The following GPT variants were observed in gnomAD, a reference collection of about 807,000 sequenced individuals.
GPT encodes alanine aminotransferase 1.
A neutral mutation model predicts 51.4 loss-of-function variants in GPT; 60 were observed. The ratio of observed to expected loss-of-function variants is 1.17; its 90% CI spans 0.95 to 1.45. GPT has a LOEUF of 1.45. Ranked by LOEUF, GPT falls within the 40% of genes most tolerant of loss-of-function variation. The pLI is 0.00. For missense variants in GPT, 853 were observed against 704.0 expected, an observed-to-expected ratio of 1.21 and a Z score of -2.40; for synonymous variants, 397 against 303.1, an observed-to-expected ratio of 1.31 and a Z score of -3.22.
At position 144,504,309 on chromosome 8, in the gene GPT, C is replaced by T; in HGVS notation, c.5C>T (p.Ala2Val). The T allele has an allele frequency of 6.2e-7, 1 of 1,608,558 alleles. No individual in the cohort carries two copies. Among genetic ancestry groups the T allele is most frequent in the Non-Finnish European group, 8.5e-7 (1 of 1,179,826 alleles). ...CCGCCTGGTCTGGGTAGAGTCATGGCCTCGAGCACAGGTGACCGGAGCCAG... is the reference window on the plus strand; with the variant it reads ...CCGCCTGGTCTGGGTAGAGTCATGGTCTCGAGCACAGGTGACCGGAGCCAG... Reference protein sequence around the residue: MASSTGDRSQAV... With the variant: MVSSTGDRSQAV... Residue 2 changes from alanine (A) to valine (V), a missense_variant, in exon 1 of 11, where the codon GCC (alanine) becomes GTC (valine). Physicochemically the swap from Ala to Val is moderately conservative, Grantham distance 64. Transcript: ENST00000394955.
In GPT at chr8:144,506,566, G is replaced by A; in HGVS notation, c.1197G>A (p.Glu399=). The A allele has an allele frequency of 1.3e-6, 2 of 1,584,290 alleles. No homozygotes were observed. Among genetic ancestry groups the A allele is most frequent in the Non-Finnish European group, 1.7e-6 (2 of 1,166,212 alleles). The part of the protein sequence containing the change: ...KAKLTEQVFN[E]APGISCNPVQ... ...AGCTCACCGAGCAGGTCTTCAATGA[G>A]GCTCCTGGCATCAGCTGCAACCCAG... Residue 399 remains glutamate (E), a synonymous_variant, in exon 9 of 11, where the codon GAG becomes GAA. Transcript: ENST00000394955. This position sits in a 1 kb window ranked among gnomAD's most constrained non-coding sequence, Gnocchi z 7.0.
intron 5 of GPT, 67 bp from the exon 6 acceptor site, chr8:144,505,781 G>A (rs1328250476): frequency 7.7e-5 from 96 of 1,244,292 alleles, no homozygotes; most frequent in Non-Finnish European, 9.8e-5. Flanking sequence ...GCTGGACCCC[G>A]GCTGCCCAGC....
Position 144,505,350 on chromosome 8 carries a change from C to T in GPT, c.600C>T (p.Gly200=), listed in dbSNP as rs138709427. 1.9e-3 allele frequency: 2,919 copies of T among 1,575,942 alleles called. 3 individuals carry two copies. The highest frequency in any genetic ancestry group is 3.1e-3 in the Admixed American group (165 of 54,078). The stretch of plus-strand genomic sequence containing the variant: ...ACTCGGCCACGCTGGCAGAGCTGGG[C>T]GCAGTGCAGGTGGATTACTACCTGG... ...PLYSATLAEL[G]AVQVDYYLDE... The change falls in exon 5 of 11, where the codon GGC becomes GGT. Residue 200 remains glycine, a synonymous_variant. Coordinates refer to ENST00000394955, the MANE Select transcript of GPT (RefSeq NM_005309.3).
chr8:144,505,561 C>G, intron 5 of GPT, 72 bp downstream of exon 5: 1 of 1,025,736 alleles, frequency 9.7e-7, no homozygotes, highest in East Asian at 2.9e-5. Context: ...GCCCCACTCC[C>G]CCCGCGCCCA....
Position 144,505,294 on chromosome 8 carries a change from GT to G in GPT, c.545del (p.Val182GlyfsTer77), listed in dbSNP as rs1564777523. 1.3e-6 allele frequency: 2 copies of G among 1,576,634 alleles called. No individual in the cohort carries two copies. The highest frequency in any genetic ancestry group is 2.7e-5 in the African/African-American group (2 of 74,110). On this transcript the variant is annotated frameshift_variant, in exon 5 of 11. Transcript: ENST00000394955. LOFTEE classifies it high-confidence loss of function. ...VAGEGHTRTG[V>X]LIPIPQYPLY... is the part of the protein sequence containing the mutation. ...CGGCGAGGGCCACACACGCACGGGT[GT>G]GCTCATCCCCATCCCCCAGTACCCA...
chr8:144,505,221 C>T (rs770070762), intron 4 of GPT, 25 bp from the exon 5 acceptor site: 6 of 1,611,084 alleles, frequency 3.7e-6, no homozygotes, highest in East Asian at 2.2e-5. Flanking sequence ...CCTCGCCAAC[C>T]CTGCCTTCCC....
Position 144,504,914 on chromosome 8 carries a change from C to T in GPT, c.361+35C>T, listed in dbSNP as rs754863097. On this transcript the variant is annotated intron_variant, in intron 3 of 10. Transcript: ENST00000394955. ...AGGGCCAGGAGGAAGCAGAGGGCCG[C>T]CCTGCCACTGGAGGAGGGAAGTCCC... 31 of 1,612,574 alleles carry T rather than the reference C, an allele frequency of 1.9e-5. No homozygotes were observed. The Admixed American group carries it at 4.8e-4, about 25-fold the overall frequency.
rs549195237 is a variant in GPT at position 144,504,313 on chromosome 8, G to C, written c.9G>C (p.Ser3=). 3.7e-6 allele frequency: 6 copies of C among 1,608,990 alleles called. No individual in the cohort carries two copies. The highest frequency in any genetic ancestry group is 1.7e-4 in the Middle Eastern group (1 of 5,980). The change falls in exon 1 of 11, where the codon TCG becomes TCC. Residue 3 remains serine, a synonymous_variant. Coordinates refer to ENST00000394955, the MANE Select transcript of GPT (RefSeq NM_005309.3). The stretch of plus-strand genomic sequence containing the variant: ...CTGGTCTGGGTAGAGTCATGGCCTC[G>C]AGCACAGGTGACCGGAGCCAGGCGG... The part of the protein sequence containing the change: MA[S]STGDRSQAVR...
chr8:144,504,665 G>A lies in GPT; in HGVS notation c.224G>A (p.Gly75Glu), dbSNP rs1004628589. 4 of 1,613,194 alleles carry A rather than the reference G, an allele frequency of 2.5e-6. No homozygotes were observed. Among genetic ancestry groups the A allele is most frequent in the South Asian group, 1.1e-5 (1 of 91,096 alleles). ...RANIGDAQAMGQRPITFLRQV... is the reference protein window; with the variant it reads ...RANIGDAQAMEQRPITFLRQV... ...AACATCGGGGACGCACAGGCTATGGGGCAGAGGCCCATCACCTTCCTGCGC... is the reference window on the plus strand; with the variant it reads ...AACATCGGGGACGCACAGGCTATGGAGCAGAGGCCCATCACCTTCCTGCGC... Residue 75 changes from glycine (G) to glutamate (E), a missense_variant, in exon 2 of 11, where the codon GGG becomes GAG. Physicochemically the swap from Gly to Glu is moderately conservative, Grantham distance 98 (BLOSUM62 -2). Transcript: ENST00000394955.
upstream of GPT, among the ~76,000 whole-genome samples, chr8:144,503,439 T>A (rs1554892493): frequency 6.6e-6 from 1 of 152,006 alleles, no homozygotes; most frequent in Non-Finnish European, 1.5e-5. Context: ...CTCGGGTGTG[T>A]CCCAAGGGCA....
rs1277660341 is a variant in GPT, at chr8:144,504,659, C to G, written c.218C>G (p.Ala73Gly). Residue 73 changes from alanine (A) to glycine (G), a missense_variant, in exon 2 of 11, where the codon GCT (alanine) becomes GGT (glycine). Ala to Gly is a moderately conservative substitution (Grantham distance 60). Transcript: ENST00000394955. ...CGTGCCAACATCGGGGACGCACAGGCTATGGGGCAGAGGCCCATCACCTTC... is the reference window on the plus strand; with the variant it reads ...CGTGCCAACATCGGGGACGCACAGGGTATGGGGCAGAGGCCCATCACCTTC... ...VIRANIGDAQ[A>G]MGQRPITFLR... The G allele has an allele frequency of 6.2e-7, 1 of 1,613,354 alleles. No individual in the cohort carries two copies. Among genetic ancestry groups the G allele is most frequent in the Admixed American group, 1.7e-5 (1 of 60,028 alleles).
chr8:144,504,030 C>G (rs1002926236), upstream of GPT: 4 of 538,264 alleles, frequency 7.4e-6, no homozygotes, highest in Admixed American at 6.2e-5. Context: ...GCCCCAAGCC[C>G]CGCCTGCCAC....
At chr8:144,505,770 C>T in intron 5 of GPT, 78 bp from the exon 6 acceptor site, 1 of 1,430,162 alleles carries the variant, frequency 7.0e-7, no homozygotes, top group Non-Finnish European at 9.5e-7. Flanking sequence ...GTGCCGGGTC[C>T]GCTGGACCCC....
intron 3 of GPT, 34 bp downstream of exon 3, chr8:144,504,913 G>A (rs766238311): frequency 1.8e-5 from 29 of 1,611,818 alleles, no homozygotes; most frequent in Non-Finnish European, 2.1e-5. Flanking sequence ...GCAGAGGGCC[G>A]CCCTGCCACT....
At position 144,506,770 on chromosome 8, in the gene GPT, C is replaced by T. The variant is rs766902019; in HGVS notation, c.1327C>T (p.Leu443Phe). Residue 443 changes from leucine (L) to phenylalanine (F), a missense_variant, in exon 10 of 11, where the codon CTC becomes TTC. Coordinates refer to ENST00000394955, the MANE Select transcript of GPT (RefSeq NM_005309.3). This position sits in a 1 kb window ranked among gnomAD's most constrained non-coding sequence, Gnocchi z 7.0. ...LAPDMFFCLRLLEETGICVVP... is the reference protein window; with the variant it reads ...LAPDMFFCLRFLEETGICVVP... ...CCCCGATATGTTCTTCTGCCTGCGCCTCCTGGAGGAGACCGGCATCTGCGT... is the reference window on the plus strand; with the variant it reads ...CCCCGATATGTTCTTCTGCCTGCGCTTCCTGGAGGAGACCGGCATCTGCGT... 1.2e-6 allele frequency: 2 copies of T among 1,612,502 alleles called. No homozygotes were observed. Among genetic ancestry groups the T allele is most frequent in the Non-Finnish European group, 8.5e-7 (1 of 1,179,972 alleles).
rs143408057 is a variant in GPT at position 144,504,689 on chromosome 8, G to C, written c.248G>C (p.Arg83Pro). The C allele has an allele frequency of 5.6e-6, 9 of 1,613,250 alleles. No homozygotes were observed. The Admixed American group carries it at 1.5e-4, about 27-fold the overall frequency. ...AMGQRPITFL[R>P]QVLALCVNPD... Reference sequence around the variant, plus strand: ...GGGCAGAGGCCCATCACCTTCCTGCGCCAGGTGAGGCTCCTGCACTGCCCG... The same window carrying C: ...GGGCAGAGGCCCATCACCTTCCTGCCCCAGGTGAGGCTCCTGCACTGCCCG... Residue 83 changes from arginine (R) to proline (P), a missense_variant, in exon 2 of 11, where the codon CGC becomes CCC. Physicochemically the swap from Arg to Pro is moderately radical, Grantham distance 103. Coordinates refer to ENST00000394955, the MANE Select transcript of GPT (RefSeq NM_005309.3).
At chr8:144,503,901 C>T (rs1285878682), upstream of GPT, 3 of 297,902 alleles carry the variant, frequency 1.0e-5, no homozygotes, top group African/African-American at 2.2e-5. Context: ...GGTGCTCAGC[C>T]CTCTCCCCCT....
At position 144,506,509 on chromosome 8, in the gene GPT, G is replaced by A; in HGVS notation, c.1140G>A (p.Gln380=). The A allele has an allele frequency of 6.3e-7, 1 of 1,597,394 alleles. No individual in the cohort carries two copies. Among genetic ancestry groups the A allele is most frequent in the South Asian group, 1.1e-5 (1 of 88,130 alleles). ...PSFAQFQAEK[Q]AVLAELAAKA... ...TCCCTCCGCGGCCACAGGAGAAGCA[G>A]GCAGTGCTGGCAGAGCTGGCGGCCA... The change falls in exon 9 of 11, where the codon CAG becomes CAA. Residue 380 remains glutamine, a synonymous_variant. Coordinates refer to ENST00000394955, the MANE Select transcript of GPT (RefSeq NM_005309.3). This position sits in a 1 kb window ranked among gnomAD's most constrained non-coding sequence, Gnocchi z 7.0.
In GPT at chr8:144,506,315, G is replaced by A. The variant is rs778801162; in HGVS notation, c.1040G>A (p.Arg347Gln). Residue 347 changes from arginine to glutamine, a missense_variant, in exon 8 of 11, where the codon CGG (arginine) becomes CAG (glutamine). Arg to Gln is a conservative substitution (Grantham distance 43). Transcript: ENST00000394955. The surrounding 1 kb of genome is among the most constrained non-coding windows in gnomAD (Gnocchi z 7.0). ...QQQMLKLMSV[R>Q]LCPPVPGQAL... ...CAGATGCTGAAGCTGATGAGTGTGC[G>A]GCTGTGCCCGCCGGTGCCAGGACAG... 3.2e-6 allele frequency: 5 copies of A among 1,565,582 alleles called. No homozygotes were observed. The highest frequency in any genetic ancestry group is 1.9e-5 in the Admixed American group (1 of 53,804).
Sources: gnomAD v4.1 joint callset for allele counts (sites outside exome capture counted in the v4.1 genomes callset) on GRCh38, gnomAD v4.1.1 for gene constraint, Gnocchi (gnomAD v3.1) non-coding constraint, MANE v1.5 for transcripts, NCBI Gene and HGNC (gene_info 2026-07-23, HGNC 2026-07-21) for gene names.